The following FAM114A2 variants were observed in gnomAD, a reference collection of about 807,000 sequenced individuals.
The protein encoded by FAM114A2 is protein FAM114A2.
Under a neutral mutation model 58.4 loss-of-function variants are expected in FAM114A2, and 53 were observed. The observed-to-expected ratio is 0.91, with a 90% CI of 0.73 to 1.14. The LOEUF is 1.14. FAM114A2 is among the 50% of genes most tolerant of loss of function. FAM114A2 has a pLI of 0.00. For missense variants in FAM114A2, 601 were observed against 581.1 expected (o/e 1.03, Z -0.35); for synonymous variants, 228 against 211.4 (o/e 1.08, Z -0.68).
At chr5:154,031,885 G>A (rs1772225441) in intron 4 of FAM114A2, among the ~76,000 whole-genome samples, 1 of 152,226 alleles carries the variant, frequency 6.6e-6, no homozygotes, top group Admixed American at 6.5e-5. Context: ...AAAGGGAACA[G>A]TTAAGCTGAA....
At chr5:154,017,154 T>C (rs186136715) in intron 8 of FAM114A2, among the ~76,000 whole-genome samples, 227 of 152,246 alleles carry the variant, frequency 1.5e-3, no homozygotes, top group Middle Eastern at 3.4e-3. Flanking sequence ...ACCTAAGACA[T>C]GAGATAGGCT....
At chr5:154,010,493 G>A (rs1474059271) in intron 9 of FAM114A2, among the ~76,000 whole-genome samples, 2 of 152,126 alleles carry the variant, frequency 1.3e-5, no homozygotes, top group African/African-American at 4.8e-5. Context: ...TGGAGACAAG[G>A]TGACTGGGTT....
chr5:154,008,423 T>C (rs1205442260), intron 9 of FAM114A2, among the ~76,000 whole-genome samples: 1 of 152,196 alleles, frequency 6.6e-6, no homozygotes, highest in Non-Finnish European at 1.5e-5. Context: ...ATCCCTTATA[T>C]GAAAATCCAA....
At chr5:154,019,108 C>A (rs1178710901) in intron 8 of FAM114A2, among the ~76,000 whole-genome samples, 1 of 152,144 alleles carries the variant, frequency 6.6e-6, no homozygotes, top group Non-Finnish European at 1.5e-5. Flanking sequence ...AAGAGGAAGT[C>A]AAACTAACTG....
chr5:153,997,658 C>A, intron 12 of FAM114A2, 145 bp downstream of exon 12: 1 of 594,214 alleles, frequency 1.7e-6, no homozygotes, highest in Non-Finnish European at 3.1e-6. Flanking sequence ...TAAAATTAGA[C>A]TATGGAAATG....
Position 154,034,816 on chromosome 5 carries a change from T to C in FAM114A2, c.138A>G (p.Val46=), listed in dbSNP as rs966585364. The C allele has an allele frequency of 1.9e-6, 3 of 1,613,938 alleles. No homozygotes were observed. The highest frequency in any genetic ancestry group is 2.2e-5 in the East Asian group (1 of 44,882). ...GAKPESKSEP[V]VSTRKRPETK... The stretch of plus-strand genomic sequence containing the variant: ...TCTCTGGTCTTTTCCGAGTGGAAAC[T>C]ACAGGTTCTGATTTACTCTCTGGTT... The change falls in exon 2 of 14, where the codon GTA becomes GTG. Residue 46 remains valine (V), a synonymous_variant. Coordinates refer to ENST00000351797, the MANE Select transcript of FAM114A2 (RefSeq NM_018691.4).
intron 8 of FAM114A2, among the ~76,000 whole-genome samples, chr5:154,016,479 C>T (rs1456781850): frequency 6.6e-6 from 1 of 152,122 alleles, no homozygotes; most frequent in African/African-American, 2.4e-5. Flanking sequence ...TCAAACAAAA[C>T]AATTATCAGC....
intron 11 of FAM114A2, among the ~76,000 whole-genome samples, chr5:153,999,969 A>G (rs1333268719): frequency 2.6e-5 from 4 of 152,138 alleles, no homozygotes; most frequent in Admixed American, 6.6e-5. Context: ...ATGTGTGTGT[A>G]TATATGTATA....
In FAM114A2 at chr5:154,002,937, C is replaced by T. The variant is rs377214982; in HGVS notation, c.1026G>A (p.Lys342=). The T allele has an allele frequency of 1.3e-4, 213 of 1,613,718 alleles. No homozygotes were observed. Among genetic ancestry groups the T allele is most frequent in the Non-Finnish European group, 1.7e-4 (198 of 1,179,736 alleles). ...TCTCTGCTAATGGCTTGGTCAGAGA[C>T]TTCCTGATCCATTCGTGGGCGGTAT... ...ARNTAHEWIR[K]SLTKPLAENE... is the part of the protein sequence containing the mutation. Residue 342 remains lysine, a synonymous_variant, in exon 10 of 14, where the codon AAG becomes AAA. Coordinates refer to ENST00000351797, the MANE Select transcript of FAM114A2 (RefSeq NM_018691.4).
Position 154,029,550 on chromosome 5 carries a change from G to T in FAM114A2, c.434C>A (p.Ser145Tyr), listed in dbSNP as rs1397885791. The T allele has an allele frequency of 1.2e-6, 2 of 1,609,668 alleles. No homozygotes were observed. Among genetic ancestry groups the T allele is most frequent in the Non-Finnish European group, 1.7e-6 (2 of 1,176,552 alleles). Reference protein sequence around the residue: ...GETNAKENENSSPVAGAFGVF... With the variant: ...GETNAKENENYSPVAGAFGVF... ...ACCAAATGCCCCAGCCACTGGGGAG[G>T]AGTTTTCATTCTCTTTGGCATTTGT... is the stretch of plus-strand genomic sequence containing the variant. Residue 145 changes from serine (S) to tyrosine (Y), a missense_variant, in exon 5 of 14, where the codon TCC becomes TAC. Physicochemically the swap from Ser to Tyr is moderately radical, Grantham distance 144. Coordinates refer to ENST00000351797, the MANE Select transcript of FAM114A2 (RefSeq NM_018691.4).
intron 9 of FAM114A2, among the ~76,000 whole-genome samples, chr5:154,005,869 A>C (rs1770317392): frequency 6.6e-6 from 1 of 152,244 alleles, no homozygotes; most frequent in Non-Finnish European, 1.5e-5. Flanking sequence ...TCTAACTGAG[A>C]AAACAGGTTT....
Position 154,002,339 on chromosome 5 carries a change from T to C in FAM114A2, c.1168A>G (p.Ile390Val), listed in dbSNP as rs771409700. The C allele has an allele frequency of 1.6e-5, 26 of 1,613,972 alleles. No homozygotes were observed. Among genetic ancestry groups the C allele is most frequent in the Admixed American group, 1.0e-4 (6 of 60,006 alleles). ...RSLAELTACS[I>V]ELFHKTAALV... ...GCAGCTGTTTTGTGGAATAGTTCAATTGAGCAGGCAGTCAGTTCAGCCAGG... is the reference window on the plus strand; with the variant it reads ...GCAGCTGTTTTGTGGAATAGTTCAACTGAGCAGGCAGTCAGTTCAGCCAGG... Residue 390 changes from isoleucine (I) to valine (V), a missense_variant, in exon 11 of 14, where the codon ATT (isoleucine) becomes GTT (valine). Physicochemically the swap from Ile to Val is conservative, Grantham distance 29. Transcript: ENST00000351797.
intron 6 of FAM114A2, 45 bp downstream of exon 6, chr5:154,028,104 G>A (rs765834980): frequency 2.0e-6 from 3 of 1,530,074 alleles, no homozygotes; most frequent in Non-Finnish European, 2.7e-6. Context: ...CAAAAATACA[G>A]ATCAAAACAG....
rs549111436 is a variant in FAM114A2 at position 154,028,851 on chromosome 5, G to A, written c.496-568C>T. Among the ~76,000 whole-genome samples the A allele has an allele frequency of 3.9e-5, 6 of 152,288 alleles. No individual in the cohort carries two copies. In the South Asian group the frequency reaches 1.2e-3, roughly 32 times the overall value. The stretch of plus-strand genomic sequence containing the variant: ...GGATTATGGTTATCTTGGTGCAGGA[G>A]AGGGGGAGAGCAGAAGACACAGAAA... On this transcript the variant is annotated intron_variant, in intron 5 of 13. Transcript: ENST00000351797.
At chr5:154,015,484 G>A (rs1394462954) in intron 8 of FAM114A2, among the ~76,000 whole-genome samples, 1 of 152,164 alleles carries the variant, frequency 6.6e-6, no homozygotes, top group African/African-American at 2.4e-5. Flanking sequence ...ACTGGAGCCT[G>A]GGAGACTTGC....
At chr5:154,011,497 TA>T (rs1362226402) in intron 8 of FAM114A2, among the ~76,000 whole-genome samples, 177 bp from the exon 9 acceptor site, 2 of 152,188 alleles carry the variant, frequency 1.3e-5, no homozygotes, top group African/African-American at 4.8e-5. Context: ...TCCTTTTACG[TA>T]TATCAATAAA....
At chr5:154,038,543 C>G (rs1050939839) in intron 1 of FAM114A2, 15 of 152,202 alleles carry the variant, frequency 9.9e-5, no homozygotes, top group African/African-American at 3.4e-4. Flanking sequence ...GGTTTGTATC[C>G]TATCGTTATT....
intron 8 of FAM114A2, among the ~76,000 whole-genome samples, chr5:154,011,711 A>T (rs1456457468): frequency 1.3e-5 from 2 of 151,842 alleles, no homozygotes; most frequent in African/African-American, 4.9e-5. Context: ...GTGACAGCAT[A>T]GACTAAGCAA....
intron 10 of FAM114A2, 148 bp downstream of exon 10, chr5:154,002,699 T>C (rs111455860): frequency 1.1e-6 from 1 of 871,730 alleles, no homozygotes. Flanking sequence ...CCTCCTTTAA[T>C]CTTATAGTCT....
Sources: gnomAD v4.1 joint callset for allele counts (sites outside exome capture counted in the v4.1 genomes callset) on GRCh38, gnomAD v4.1.1 for gene constraint, MANE v1.5 for transcripts, NCBI Gene and HGNC (gene_info 2026-07-23, HGNC 2026-07-21) for gene names.